EXD1: variants seen among roughly 807,000 people sequenced by gnomAD.
The protein encoded by EXD1 is piRNA biogenesis protein EXD1.
Under a neutral mutation model 49.1 loss-of-function variants are expected in EXD1, and 63 were observed. The observed-to-expected ratio is 1.28, with a 90% CI of 1.05 to 1.58. The LOEUF is 1.58. Ranked by LOEUF, EXD1 falls within the 40% of genes most tolerant of loss-of-function variation. EXD1 has a pLI of 0.00. For synonymous variants in EXD1, 234 were observed against 239.2 expected, an observed-to-expected ratio of 0.98 and a Z score of 0.20; for missense variants, 748 against 666.0, an observed-to-expected ratio of 1.12 and a Z score of -1.36.
chr15:41,209,946 T>C (rs560451017), intron 6 of EXD1, among the ~76,000 whole-genome samples: 1 of 152,308 alleles, frequency 6.6e-6, no homozygotes, highest in East Asian at 1.9e-4. Flanking sequence ...TTCACTCTTG[T>C]TGCTAGGCTG....
At chr15:41,196,835 AT>A (rs911383067) in intron 7 of EXD1, among the ~76,000 whole-genome samples, 11 of 150,620 alleles carry the variant, frequency 7.3e-5, no homozygotes, top group African/African-American at 2.7e-4. Context: ...CCAAAACTTT[AT>A]TTTTTTTGAG....
chr15:41,215,970 A>T, intron 5 of EXD1, 137 bp from the exon 6 acceptor site: 1 of 718,518 alleles, frequency 1.4e-6, no homozygotes, highest in East Asian at 2.6e-5. Context: ...CACCCTCCCT[A>T]CGTACTACTT....
chr15:41,183,924 C>T lies in EXD1; in HGVS notation c.*7G>A. 1 of 1,567,252 alleles carries T rather than the reference C, an allele frequency of 6.4e-7. No individual in the cohort carries two copies. The highest frequency in any genetic ancestry group is 1.4e-5 in the African/African-American group (1 of 73,320). ...TCTGTATGGCCTTAAGAACAAACTG[C>T]CCATCTCTAGGGCAGATTTAGAAAA... On this transcript the variant is annotated 3_prime_UTR_variant, in exon 12 of 12. Transcript: ENST00000458580.
At chr15:41,209,032 C>A (rs550906722) in intron 7 of EXD1, among the ~76,000 whole-genome samples, 1 of 151,860 alleles carries the variant, frequency 6.6e-6, no homozygotes, top group South Asian at 2.1e-4. Context: ...GAAGCTCTCT[C>A]CTTTTGAAAA....
At chr15:41,211,341 G>C (rs1386811517) in intron 6 of EXD1, among the ~76,000 whole-genome samples, 2 of 151,842 alleles carry the variant, frequency 1.3e-5, no homozygotes, top group African/African-American at 4.8e-5. Flanking sequence ...TAACTCCTGG[G>C]CTCAAGTGAT....
rs2047001223 is a variant in EXD1, at chr15:41,216,550, G to A, written c.388+118C>T. 3 of 1,047,150 alleles carry A rather than the reference G, an allele frequency of 2.9e-6. No individual in the cohort carries two copies. The South Asian group carries it at 5.1e-5, about 18-fold the overall frequency. 64.9% of individuals were successfully genotyped at this position (1,047,150 alleles called of 1,614,324 possible). A position where few individuals can be genotyped will look rare whatever the true frequency, so the allele number is the denominator to read the frequency against. On this transcript the variant is annotated intron_variant, in intron 5 of 11. Coordinates refer to ENST00000458580, the MANE Select transcript of EXD1 (RefSeq NM_001286441.2). ...GGAGGCAGAGGCAGGATAATTGCTT[G>A]AATCCAGGAGGTGGAGGTTGCAGTG...
At chr15:41,213,266 A>G (rs541805355) in intron 6 of EXD1, among the ~76,000 whole-genome samples, 1 of 152,042 alleles carries the variant, frequency 6.6e-6, no homozygotes, top group Non-Finnish European at 1.5e-5. Flanking sequence ...CAGTGGCACG[A>G]TCTTGGCTCA....
Position 41,230,536 on chromosome 15 carries a change from T to G in EXD1, c.-111A>C. ...AGGGCTTTTTCCTCCGAAGGAAGTT[T>G]GGGAAATCTGGATCCTAATTTCAGC... is the stretch of plus-strand genomic sequence containing the variant. On this transcript the variant is annotated 5_prime_UTR_variant, in exon 1 of 12. Transcript: ENST00000458580. 6.2e-7 allele frequency: 1 copy of G among 1,614,180 alleles called. No individual in the cohort carries two copies. Among genetic ancestry groups the G allele is most frequent in the Non-Finnish European group, 8.5e-7 (1 of 1,180,002 alleles).
Position 41,230,641 on chromosome 15 carries a change from C to T in EXD1, c.-216G>A. ...TGAAGGAAGAAGTCTCGGGACGCTC[C>T]ACGCCACCCGGCGGCGGTTATCAAA... On this transcript the variant is annotated 5_prime_UTR_variant, in exon 1 of 12. Transcript: ENST00000458580. 11 of 1,332,418 alleles carry T rather than the reference C, an allele frequency of 8.3e-6. No individual in the cohort carries two copies. The highest frequency in any genetic ancestry group is 9.5e-6 in the Non-Finnish European group (9 of 951,606). The allele number at this position is 1,332,418 out of a possible 1,614,324, so 82.5% of individuals were successfully genotyped here.
At chr15:41,220,547 C>T (rs919655499) in intron 2 of EXD1, among the ~76,000 whole-genome samples, 7 of 152,066 alleles carry the variant, frequency 4.6e-5, no homozygotes, top group Non-Finnish European at 1.0e-4. Flanking sequence ...TGTGAGCCAC[C>T]GCACCCGGCC....
rs1264980958 is a variant in EXD1, at chr15:41,182,971, T to C, written c.*960A>G. ...GAAAATGGACAAAACCAGCTAAAAA[T>C]AAAGGAAATAAAAACAAATTAAAAT... On this transcript the variant is annotated 3_prime_UTR_variant, in exon 12 of 12. Coordinates refer to ENST00000458580, the MANE Select transcript of EXD1 (RefSeq NM_001286441.2). 1 of 151,770 alleles carries C rather than the reference T, an allele frequency of 6.6e-6. No homozygotes were observed. The highest frequency in any genetic ancestry group is 1.5e-5 in the Non-Finnish European group (1 of 67,952). 9.4% of individuals were successfully genotyped at this position (151,770 alleles called of 1,614,324 possible).
chr15:41,205,211 C>T (rs2046803364), intron 7 of EXD1, among the ~76,000 whole-genome samples: 2 of 152,144 alleles, frequency 1.3e-5, no homozygotes, highest in African/African-American at 4.8e-5. Context: ...GGAAAATTTT[C>T]CCTTGGCCCC....
intron 10 of EXD1, 93 bp from the exon 11 acceptor site, chr15:41,190,221 T>G (rs2046488665): frequency 7.5e-7 from 1 of 1,335,664 alleles, no homozygotes; most frequent in African/African-American, 1.4e-5. Flanking sequence ...ATGCCTGTAA[T>G]CCCAGCACTC....
chr15:41,198,973 T>A (rs1349630810), intron 7 of EXD1, among the ~76,000 whole-genome samples: 2 of 151,598 alleles, frequency 1.3e-5, no homozygotes, highest in East Asian at 3.9e-4. Context: ...TGGCCTTTTT[T>A]CTTTTTTGGA....
chr15:41,221,876 TG>T (rs1159948310), intron 2 of EXD1, among the ~76,000 whole-genome samples: 1 of 150,400 alleles, frequency 6.6e-6, no homozygotes, highest in Non-Finnish European at 1.5e-5. Context: ...CTGAGGCGGG[TG>T]GATCATGAGG....
intron 7 of EXD1, among the ~76,000 whole-genome samples, chr15:41,209,274 G>A (rs959952434): frequency 6.6e-6 from 1 of 152,046 alleles, no homozygotes; most frequent in Admixed American, 6.6e-5. Flanking sequence ...ACAAAGCTGG[G>A]TGTGGTGACA....
At chr15:41,192,570 C>T (rs1006371208) in intron 9 of EXD1, among the ~76,000 whole-genome samples, 2 of 133,668 alleles carry the variant, frequency 1.5e-5, no homozygotes, top group East Asian at 4.8e-4. Context: ...GTTGGGATTA[C>T]AGGCGTGAAC....
At position 41,215,027 on chromosome 15, in the gene EXD1, G is replaced by C. The variant is rs572130622; in HGVS notation, c.447+748C>G. On this transcript the variant is annotated intron_variant, in intron 6 of 11. Transcript: ENST00000458580. ...CCCAAAGTGCTGGGATTACAGGCGT[G>C]AGCCACTGCACCCAGCCTTTAAGTT... 2.0e-5 allele frequency among the ~76,000 whole-genome samples: 3 copies of C among 152,134 alleles called. No individual in the cohort carries two copies. In the South Asian group the frequency reaches 6.2e-4, roughly 32 times the overall value.
intron 7 of EXD1, among the ~76,000 whole-genome samples, chr15:41,201,112 G>A (rs1173093314): frequency 6.6e-6 from 1 of 151,990 alleles, no homozygotes; most frequent in African/African-American, 2.4e-5. Context: ...AACCTCAGGT[G>A]ATCTGCCTGC....
Sources: allele counts gnomAD v4.1 joint callset (sites outside exome capture counted in the v4.1 genomes callset), GRCh38; gene constraint gnomAD v4.1.1; transcripts MANE v1.5; gene names NCBI Gene and HGNC (gene_info 2026-07-23, HGNC 2026-07-21).